CDH13: variants seen among roughly 807,000 people sequenced by gnomAD.
The protein encoded by CDH13 is cadherin-13.
Under a neutral mutation model 63.8 loss-of-function variants are expected in CDH13, and 24 were observed. The observed-to-expected ratio is 0.38, with a 90% confidence interval of 0.27 to 0.53. CDH13 has a LOEUF of 0.53. Among genes scored for constraint, CDH13 ranks in the 20% least tolerant of loss-of-function variants. The pLI, the probability that CDH13 is intolerant of heterozygous loss-of-function variation, is 0.85. For synonymous variants in CDH13, 503 were observed against 355.3 expected, an observed-to-expected ratio of 1.42 and a Z score of -4.67; for missense variants, 1,049 against 903.1, an observed-to-expected ratio of 1.16 and a Z score of -2.07.
At chr16:82,960,376 CAG>C (rs1291869374) in intron 2 of CDH13, among the ~76,000 whole-genome samples, 1 of 151,968 alleles carries the variant, frequency 6.6e-6, no homozygotes, top group Admixed American at 6.6e-5. Flanking sequence ...AATGGGAGGA[CAG>C]GGGTGGGAGC....
intron 7 of CDH13, among the ~76,000 whole-genome samples, chr16:83,501,747 T>G (rs1041584819): frequency 1.3e-5 from 2 of 152,204 alleles, no homozygotes; most frequent in Non-Finnish European, 2.9e-5. Context: ...ATCCACTCCC[T>G]TGGGCTATTA....
chr16:82,971,281 C>T (rs565059586), intron 2 of CDH13, among the ~76,000 whole-genome samples: 2 of 152,312 alleles, frequency 1.3e-5, no homozygotes, highest in African/African-American at 4.8e-5. Context: ...TGGCTGCTTT[C>T]CCTGCCTTAT....
chr16:83,695,424 A>G (rs1249194412), intron 10 of CDH13, among the ~76,000 whole-genome samples: 1 of 152,190 alleles, frequency 6.6e-6, no homozygotes, highest in East Asian at 1.9e-4. Context: ...CTGGATCAAG[A>G]GTAGAAATGA....
At chr16:82,815,239 G>C (rs542478776) in intron 1 of CDH13, among the ~76,000 whole-genome samples, 1 of 152,202 alleles carries the variant, frequency 6.6e-6, no homozygotes, top group South Asian at 2.1e-4. Flanking sequence ...GTAAGGCACA[G>C]AGACCCCGAA....
intron 4 of CDH13, among the ~76,000 whole-genome samples, chr16:83,150,925 T>A (rs1443515154): frequency 6.6e-6 from 1 of 152,224 alleles, no homozygotes. Flanking sequence ...ATCTTTATTA[T>A]CTGCCTCTGT....
intron 5 of CDH13, among the ~76,000 whole-genome samples, chr16:83,232,783 G>A (rs956458906): frequency 6.6e-6 from 1 of 151,956 alleles, no homozygotes; most frequent in Non-Finnish European, 1.5e-5. Context: ...TTTTTTTATA[G>A]CAATGCAAGA....
intron 4 of CDH13, among the ~76,000 whole-genome samples, chr16:83,204,357 T>C (rs945416846): frequency 6.6e-5 from 10 of 152,170 alleles, no homozygotes; most frequent in African/African-American, 2.2e-4. Flanking sequence ...ACCTACCTCA[T>C]AGAATTGTTG....
At chr16:83,628,303 T>G (rs755569682) in intron 8 of CDH13, among the ~76,000 whole-genome samples, 3 of 152,172 alleles carry the variant, frequency 2.0e-5, no homozygotes, top group Non-Finnish European at 4.4e-5. Context: ...AAGCAGGGTT[T>G]CCCCTTGTTG....
chr16:82,660,935 CAAA>C (rs58394697), intron 1 of CDH13, among the ~76,000 whole-genome samples: 3 of 143,814 alleles, frequency 2.1e-5, no homozygotes, highest in Non-Finnish European at 3.0e-5. Context: ...TTTCTTTTAT[CAAA>C]AAAAAAAAAC....
intron 1 of CDH13, among the ~76,000 whole-genome samples, chr16:82,839,788 C>CAT (rs1467725102): frequency 6.6e-6 from 1 of 152,202 alleles, no homozygotes; most frequent in Non-Finnish European, 1.5e-5. Context: ...TTCACATTAT[C>CAT]ATATTTTATA....
At chr16:83,279,424 AC>A (rs1165690534) in intron 5 of CDH13, among the ~76,000 whole-genome samples, 2 of 152,130 alleles carry the variant, frequency 1.3e-5, no homozygotes, top group African/African-American at 4.8e-5. Context: ...GTTAGACAAA[AC>A]CCATAGCACA....
chr16:82,814,703 C>T (rs1266949532), intron 1 of CDH13, among the ~76,000 whole-genome samples: 1 of 152,132 alleles, frequency 6.6e-6, no homozygotes, highest in African/African-American at 2.4e-5. Context: ...TTCCTGAGCA[C>T]TTCTGTGAGT....
chr16:83,601,459 G>GT (rs1907787959), intron 7 of CDH13, among the ~76,000 whole-genome samples: 1 of 152,162 alleles, frequency 6.6e-6, no homozygotes. Flanking sequence ...CTTGTGTTAA[G>GT]TTTATCAAAT....
chr16:82,682,107 T>C (rs982939684), intron 1 of CDH13, among the ~76,000 whole-genome samples: 1 of 152,256 alleles, frequency 6.6e-6, no homozygotes, highest in Admixed American at 6.5e-5. Context: ...AAAATGTGTA[T>C]GAGAAGACAC....
At chr16:83,404,000 A>G (rs1055759096) in intron 6 of CDH13, among the ~76,000 whole-genome samples, 1 of 152,236 alleles carries the variant, frequency 6.6e-6, no homozygotes, top group African/African-American at 2.4e-5. Flanking sequence ...AAGATGATTC[A>G]GAAATGCATT....
intron 3 of CDH13, among the ~76,000 whole-genome samples, chr16:83,052,081 C>T (rs570820340): frequency 1.3e-5 from 2 of 152,060 alleles, no homozygotes; most frequent in African/African-American, 4.8e-5. Context: ...ATTCAAGCAG[C>T]TAACTATATC....
chr16:83,458,255 C>T (rs1317298224), intron 6 of CDH13, among the ~76,000 whole-genome samples: 2 of 152,140 alleles, frequency 1.3e-5, no homozygotes, highest in African/African-American at 2.4e-5. Context: ...TGGGCTGTTC[C>T]TTTGTTGATC....
At chr16:83,048,534 TA>T (rs2029900876) in intron 3 of CDH13, among the ~76,000 whole-genome samples, 1 of 152,190 alleles carries the variant, frequency 6.6e-6, no homozygotes, top group Admixed American at 6.5e-5. Context: ...CCTAAAGCAG[TA>T]AGTTGTACTC....
intron 5 of CDH13, among the ~76,000 whole-genome samples, chr16:83,232,341 A>G (rs936612157): frequency 6.6e-6 from 1 of 150,978 alleles, no homozygotes; most frequent in African/African-American, 2.4e-5. Context: ...CCTGGCCAAC[A>G]TGGCGAAGCC....
Sources: allele counts gnomAD v4.1 joint callset (sites outside exome capture counted in the v4.1 genomes callset), GRCh38; gene constraint gnomAD v4.1.1; transcripts MANE v1.5; gene names NCBI Gene and HGNC (gene_info 2026-07-23, HGNC 2026-07-21).